TNFRSF13B: variants seen among roughly 807,000 people sequenced by gnomAD.
The protein encoded by TNFRSF13B is TNF receptor superfamily member 13B.
Under a neutral mutation model 24.0 loss-of-function variants are expected in TNFRSF13B, and 34 were observed. The observed-to-expected ratio is 1.41, with a 90% confidence interval of 1.08 to 1.88. TNFRSF13B has a LOEUF of 1.88. Ranked by LOEUF, TNFRSF13B falls within the 40% of genes most tolerant of loss-of-function variation. TNFRSF13B has a pLI of 0.00. For missense variants in TNFRSF13B, 415 were observed against 380.8 expected, an observed-to-expected ratio of 1.09 and a Z score of -0.75; for synonymous variants, 173 against 150.3, an observed-to-expected ratio of 1.15 and a Z score of -1.10.
chr17:16,941,060 A>T (rs1204784756), intron 3 of TNFRSF13B: 1 of 589,484 alleles, frequency 1.7e-6, no homozygotes, highest in Non-Finnish European at 2.2e-6. Context: ...TCATCTCTAG[A>T]TTACTTATAA....
chr17:16,971,713 AGCGGGCATGTAAGGGGGAAAATG>A, intron 1 of TNFRSF13B, among the ~76,000 whole-genome samples: 1 of 152,188 alleles, frequency 6.6e-6, no homozygotes, highest in South Asian at 2.1e-4. Context: ...AAAATGGTCC[AGCGGGCATGTAAGGGGGAAAATG>A]GGGGCTGTGC....
At position 16,948,876 on chromosome 17, in the gene TNFRSF13B, AG is replaced by A. The variant is rs766460129; in HGVS notation, c.306del (p.Phe103SerfsTer10). 8.7e-6 allele frequency: 14 copies of A among 1,614,200 alleles called. No individual in the cohort carries two copies. In the East Asian group the frequency reaches 2.7e-4, roughly 31 times the overall value. ...ICGQHPKQCA[Y>X]FCENKLRSPV... is the part of the protein sequence containing the mutation. ...GGGCTCCTGAGCTTGTTCTCACAGA[AG>A]TATGCACATTGCTTAGGGTGCTGTC... On this transcript the variant is annotated frameshift_variant, in exon 3 of 5. Transcript: ENST00000261652. LOFTEE classifies it high-confidence loss of function.
At chr17:16,961,797 T>C (rs2087664312) in intron 1 of TNFRSF13B, among the ~76,000 whole-genome samples, 1 of 152,160 alleles carries the variant, frequency 6.6e-6, no homozygotes, top group East Asian at 1.9e-4. Context: ...CCTTAAAGTT[T>C]AGGATAGAAA....
chr17:16,964,480 T>C (rs534630181), intron 1 of TNFRSF13B, among the ~76,000 whole-genome samples: 2 of 151,856 alleles, frequency 1.3e-5, no homozygotes, highest in South Asian at 4.2e-4. Context: ...GTAGCTGGGA[T>C]TACAGGTGTG....
In TNFRSF13B at chr17:16,948,782, C is replaced by A. The variant is rs776020692; in HGVS notation, c.401G>T (p.Gly134Val). The A allele has an allele frequency of 1.2e-6, 2 of 1,614,182 alleles. No individual in the cohort carries two copies. Among genetic ancestry groups the A allele is most frequent in the Non-Finnish European group, 1.7e-6 (2 of 1,180,032 alleles). ...GEVENNSDNS[G>V]RYQGLEHRGS... ...TCTGTGCTCCAATCCTTGGTACCTTCCCGAGTTGTCTGAATTGTTTTCAAC... is the reference window on the plus strand; with the variant it reads ...TCTGTGCTCCAATCCTTGGTACCTTACCGAGTTGTCTGAATTGTTTTCAAC... Residue 134 changes from glycine to valine, a missense_variant, in exon 3 of 5, where the codon GGA (glycine) becomes GTA (valine). Transcript: ENST00000261652.
chr17:16,955,164 C>CGGAA (rs1312389390), intron 1 of TNFRSF13B, among the ~76,000 whole-genome samples: 3 of 152,212 alleles, frequency 2.0e-5, no homozygotes, highest in Non-Finnish European at 4.4e-5. Context: ...CCAGAACTTC[C>CGGAA]AGGCAGCTGT....
chr17:16,940,941 G>A, intron 3 of TNFRSF13B: 1 of 1,080,870 alleles, frequency 9.3e-7, no homozygotes, highest in Non-Finnish European at 1.1e-6. Context: ...ATGGGGGACT[G>A]GTTCCAGGAT....
Position 16,948,895 on chromosome 17 carries a change from G to C in TNFRSF13B, c.288C>G (p.His96Gln). ...CISCASICGQ[H>Q]PKQCAYFCEN... ...CACAGAAGTATGCACATTGCTTAGG[G>C]TGCTGTCCACAGATGGAGGCACAGC... The change falls in exon 3 of 5, where the codon CAC (histidine) becomes CAG (glutamine). Residue 96 changes from histidine (H) to glutamine (Q), a missense_variant. Coordinates refer to ENST00000261652, the MANE Select transcript of TNFRSF13B (RefSeq NM_012452.3). 6.2e-7 allele frequency: 1 copy of C among 1,614,200 alleles called. No homozygotes were observed.
chr17:16,963,447 A>C (rs969005628), intron 1 of TNFRSF13B, among the ~76,000 whole-genome samples: 2 of 152,302 alleles, frequency 1.3e-5, no homozygotes, highest in Middle Eastern at 3.4e-3. Context: ...GCCCTTTACA[A>C]TTTCACCAAG....
At position 16,939,657 on chromosome 17, in the gene TNFRSF13B, T is replaced by A; in HGVS notation, c.772A>T (p.Arg258Trp). 1 of 1,612,452 alleles carries A rather than the reference T, an allele frequency of 6.2e-7. No homozygotes were observed. Among genetic ancestry groups the A allele is most frequent in the African/African-American group, 1.3e-5 (1 of 75,014 alleles). ...PGTPDPTCAG[R>W]WGCHTRTTVL... The stretch of plus-strand genomic sequence containing the variant: ...GTGGTCCTGGTGTGGCACCCCCACC[T>A]TCCAGCACAAGTGGGGTCGGGGGTC... The change falls in exon 5 of 5, where the codon AGG becomes TGG. Residue 258 changes from arginine (R) to tryptophan (W), a missense_variant. Physicochemically the swap from Arg to Trp is moderately radical, Grantham distance 101. Transcript: ENST00000261652.
chr17:16,963,528 GTTTTGTTTTTGT>G (rs113941395), intron 1 of TNFRSF13B, among the ~76,000 whole-genome samples: 4 of 150,880 alleles, frequency 2.7e-5, no homozygotes, highest in African/African-American at 4.9e-5. Flanking sequence ...TTCTTATCAA[GTTTTGTTTTTGT>G]TTTTGTTTTT....
chr17:16,965,270 C>A (rs546756452), intron 1 of TNFRSF13B, among the ~76,000 whole-genome samples: 13 of 152,034 alleles, frequency 8.6e-5, no homozygotes, highest in Non-Finnish European at 1.8e-4. Context: ...CTGTGCCCAG[C>A]CAATGATAAT....
At chr17:16,941,576 T>C in intron 3 of TNFRSF13B, 2 of 987,458 alleles carry the variant, frequency 2.0e-6, no homozygotes, top group South Asian at 9.4e-5. Flanking sequence ...CCCCTTCATC[T>C]TCCCGCTCTG....
At chr17:16,943,945 A>G (rs2087529401) in intron 3 of TNFRSF13B, among the ~76,000 whole-genome samples, 1 of 152,184 alleles carries the variant, frequency 6.6e-6, no homozygotes, top group Admixed American at 6.5e-5. Context: ...TCGTCGCAGT[A>G]GAACCCCACG....
intron 1 of TNFRSF13B, among the ~76,000 whole-genome samples, chr17:16,954,539 A>G (rs998345065): frequency 4.2e-4 from 64 of 152,226 alleles, no homozygotes; most frequent in African/African-American, 1.5e-3. Flanking sequence ...TTCTACAGCA[A>G]AGAACACATG....
chr17:16,941,661 C>A (rs1040090074), intron 3 of TNFRSF13B, among the ~76,000 whole-genome samples: 1 of 152,134 alleles, frequency 6.6e-6, no homozygotes, highest in Admixed American at 6.5e-5. Context: ...AAGTGTACAA[C>A]CAGTGGCTTT....
At chr17:16,969,081 C>T (rs2087725762) in intron 1 of TNFRSF13B, among the ~76,000 whole-genome samples, 1 of 152,212 alleles carries the variant, frequency 6.6e-6, no homozygotes, top group Non-Finnish European at 1.5e-5. Flanking sequence ...GAAATTGGAA[C>T]CCTCATGCAT....
chr17:16,964,030 A>G (rs1162525493), intron 1 of TNFRSF13B, among the ~76,000 whole-genome samples: 1 of 151,974 alleles, frequency 6.6e-6, no homozygotes, highest in Non-Finnish European at 1.5e-5. Flanking sequence ...GTGACCTTAC[A>G]ACCTGGCTTC....
intron 1 of TNFRSF13B, among the ~76,000 whole-genome samples, chr17:16,971,531 T>C (rs982994467): frequency 3.3e-5 from 5 of 152,078 alleles, no homozygotes; most frequent in Non-Finnish European, 5.9e-5. Flanking sequence ...GGTGAGACAG[T>C]TGGTACAGTT....
Sources: gnomAD v4.1 joint callset for allele counts (sites outside exome capture counted in the v4.1 genomes callset) on GRCh38, gnomAD v4.1.1 for gene constraint, MANE v1.5 for transcripts, NCBI Gene and HGNC (gene_info 2026-07-23, HGNC 2026-07-21) for gene names.